The following KCTD19 variants were observed in gnomAD, a reference collection of about 807,000 sequenced individuals.
The protein encoded by KCTD19 is BTB/POZ domain-containing protein KCTD19.
In KCTD19, 67 loss-of-function variants were observed where a neutral mutation model predicts 103.5. That is an observed-to-expected ratio of 0.65 (90% confidence interval 0.53 to 0.79). The LOEUF is 0.79. Among genes scored for constraint, KCTD19 ranks in the 30% least tolerant of loss-of-function variants. KCTD19 has a pLI of 0.00. For missense variants in KCTD19, 980 were observed against 1,136.1 expected (o/e 0.86, Z 1.98); for synonymous variants, 439 against 452.2 (o/e 0.97, Z 0.37).
chr16:67,291,004 A>T lies in KCTD19; in HGVS notation c.2566-18T>A. On this transcript the variant is annotated intron_variant, in intron 14 of 15. Transcript: ENST00000304372. ...TGCAGGGTCTGCCAGGAGAGCCCACAGTCAGGCAGTGCTAGGGCAGCTCCT... is the reference window on the plus strand; with the variant it reads ...TGCAGGGTCTGCCAGGAGAGCCCACTGTCAGGCAGTGCTAGGGCAGCTCCT... The T allele has an allele frequency of 6.2e-7, 1 of 1,612,520 alleles. No individual in the cohort carries two copies. The highest frequency in any genetic ancestry group is 2.2e-5 in the East Asian group (1 of 44,866).
rs1472115226 is a variant in KCTD19 at position 67,295,314 on chromosome 16, T to C, written c.1340A>G (p.His447Arg). The C allele has an allele frequency of 1.2e-6, 2 of 1,614,106 alleles. No homozygotes were observed. Among genetic ancestry groups the C allele is most frequent in the East Asian group, 4.5e-5 (2 of 44,898 alleles). The change falls in exon 9 of 16, where the codon CAC becomes CGC. Residue 447 changes from histidine to arginine, a missense_variant. Coordinates refer to ENST00000304372, the MANE Select transcript of KCTD19 (RefSeq NM_001100915.3). Reference protein sequence around the residue: ...LIHGDGQMFRHILNFLRLGKL... With the variant: ...LIHGDGQMFRRILNFLRLGKL... ...GCCAAGTCTCAGGAAGTTGAGAATG[T>C]GTCGGAACATCTGGCCATCCCCGTG...
chr16:67,310,910 G>A (rs965564754), intron 2 of KCTD19, among the ~76,000 whole-genome samples: 1 of 152,218 alleles, frequency 6.6e-6, no homozygotes, highest in Non-Finnish European at 1.5e-5. Flanking sequence ...AAGGCTGGTA[G>A]AACAAAAGGA....
rs775358880 is a variant in KCTD19 at position 67,299,493 on chromosome 16, G to A, written c.856C>T (p.Leu286Phe). ...AGCAGACCCAGGGCCATTGTGTAGAGCGGTTTCACGGACTCCAGGCTGGCT... is the reference window on the plus strand; with the variant it reads ...AGCAGACCCAGGGCCATTGTGTAGAACGGTTTCACGGACTCCAGGCTGGCT... ...RTASLESVKP[L>F]YTMALGLLVK... Residue 286 changes from leucine to phenylalanine, a missense_variant, in exon 6 of 16, where the codon CTC (leucine) becomes TTC (phenylalanine). Leu to Phe is a conservative substitution (Grantham distance 22). Transcript: ENST00000304372. The A allele has an allele frequency of 1.7e-5, 28 of 1,613,342 alleles. No homozygotes were observed. The South Asian group carries it at 3.1e-4, about 18-fold the overall frequency.
intron 2 of KCTD19, among the ~76,000 whole-genome samples, chr16:67,318,532 C>A (rs1418999890): frequency 1.4e-5 from 2 of 147,000 alleles, no homozygotes; most frequent in Non-Finnish European, 3.0e-5. Flanking sequence ...TGCACTCCAG[C>A]CTGGGACAGA....
intron 1 of KCTD19, among the ~76,000 whole-genome samples, chr16:67,321,400 C>T (rs780304727): frequency 1.3e-5 from 2 of 152,080 alleles, no homozygotes; most frequent in Non-Finnish European, 2.9e-5. Context: ...AACTTCAAAA[C>T]ATTGTTGAAA....
chr16:67,303,007 G>T lies in KCTD19; in HGVS notation c.643+139C>A. 1.4e-6 allele frequency: 1 copy of T among 734,598 alleles called. No homozygotes were observed. 45.5% of individuals were successfully genotyped at this position (734,598 alleles called of 1,614,324 possible). Reference sequence around the variant, plus strand: ...ATCTGCTTGCTTCCTGGAAGGCTCTGTCATGCTTCCGCTACCTCTGCCCAG... The same window carrying T: ...ATCTGCTTGCTTCCTGGAAGGCTCTTTCATGCTTCCGCTACCTCTGCCCAG... On this transcript the variant is annotated intron_variant, in intron 4 of 15. Coordinates refer to ENST00000304372, the MANE Select transcript of KCTD19 (RefSeq NM_001100915.3). This position sits in a 1 kb window ranked among gnomAD's most constrained non-coding sequence, Gnocchi z 4.3.
rs550110792 is a variant in KCTD19, at chr16:67,293,022, C to T, written c.2218+522G>A. On this transcript the variant is annotated intron_variant, in intron 12 of 15. Transcript: ENST00000304372. This position sits in a 1 kb window ranked among gnomAD's most constrained non-coding sequence, Gnocchi z 4.0. ...CGAATACCTAGCTCCTGCTGCATTT[C>T]CTCTGCTCCTGGAGCAAACTTTCTG... is the stretch of plus-strand genomic sequence containing the variant. Among the ~76,000 whole-genome samples the T allele has an allele frequency of 3.3e-5, 5 of 152,296 alleles. No individual in the cohort carries two copies. The highest frequency in any genetic ancestry group is 1.2e-4 in the African/African-American group (5 of 41,556).
Position 67,313,283 on chromosome 16 carries a change from G to C in KCTD19, c.300+7306C>G, listed in dbSNP as rs577863283. 2.7e-3 allele frequency among the ~76,000 whole-genome samples: 414 copies of C among 151,978 alleles called. 1 individual carries two copies. Among genetic ancestry groups the C allele is most frequent in the African/African-American group, 9.4e-3 (391 of 41,464 alleles). Reference sequence around the variant, plus strand: ...TTGTCATCATGCCCGGCTAATTTTTGTATTTTAGTAGAGATGGGGTTTCAC... The same window carrying C: ...TTGTCATCATGCCCGGCTAATTTTTCTATTTTAGTAGAGATGGGGTTTCAC... On this transcript the variant is annotated intron_variant, in intron 2 of 15. Coordinates refer to ENST00000304372, the MANE Select transcript of KCTD19 (RefSeq NM_001100915.3).
intron 6 of KCTD19, among the ~76,000 whole-genome samples, chr16:67,298,778 G>C (rs2036798338): frequency 6.6e-6 from 1 of 152,220 alleles, no homozygotes; most frequent in African/African-American, 2.4e-5. Flanking sequence ...GTGACCCTCA[G>C]AGAGTTGCTC....
Position 67,293,941 on chromosome 16 carries a change from G to T in KCTD19, c.1821C>A (p.Ser607Arg). Residue 607 changes from serine (S) to arginine (R), a missense_variant, in exon 12 of 16, where the codon AGC becomes AGA. Transcript: ENST00000304372. This position sits in a 1 kb window ranked among gnomAD's most constrained non-coding sequence, Gnocchi z 4.0. ...NPGHWGSHPESPPKKKCTTIN... is the reference protein window; with the variant it reads ...NPGHWGSHPERPPKKKCTTIN... ...TTGTGGTGCATTTCTTCTTTGGGGGGCTCTCAGGGTGGCTCCCCCAGTGTC... is the reference window on the plus strand; with the variant it reads ...TTGTGGTGCATTTCTTCTTTGGGGGTCTCTCAGGGTGGCTCCCCCAGTGTC... 6.2e-7 allele frequency: 1 copy of T among 1,614,098 alleles called. No homozygotes were observed. The highest frequency in any genetic ancestry group is 8.5e-7 in the Non-Finnish European group (1 of 1,180,014).
intron 2 of KCTD19, 98 bp from the exon 3 acceptor site, chr16:67,304,669 T>G (rs2036873180): frequency 1.3e-6 from 1 of 764,648 alleles, no homozygotes; most frequent in Non-Finnish European, 1.9e-6. Flanking sequence ...GTGACTTACT[T>G]TTTTTTTTTT....
chr16:67,294,798 G>A, intron 10 of KCTD19, 104 bp from the exon 11 acceptor site: 1 of 969,250 alleles, frequency 1.0e-6, no homozygotes, highest in South Asian at 1.4e-5. Flanking sequence ...CTAGACAGCA[G>A]GGAAGAAGGG....
In KCTD19 at chr16:67,303,243, C is replaced by T. The variant is rs1403325186; in HGVS notation, c.546G>A (p.Val182=). The change falls in exon 4 of 16, where the codon GTG becomes GTA. Residue 182 remains valine, a synonymous_variant. Transcript: ENST00000304372. The surrounding 1 kb of genome is among the most constrained non-coding windows in gnomAD (Gnocchi z 4.3). ...VHYCFLPLDL[V]AKYPSLVTED... Reference sequence around the variant, plus strand: ...CAGTCACTAGGCTGGGATATTTGGCCACCAGGTCTAGGGGCAGGAAGCAGT... The same window carrying T: ...CAGTCACTAGGCTGGGATATTTGGCTACCAGGTCTAGGGGCAGGAAGCAGT... The T allele has an allele frequency of 6.2e-7, 1 of 1,614,102 alleles. No individual in the cohort carries two copies. The highest frequency in any genetic ancestry group is 1.7e-5 in the Admixed American group (1 of 60,014).
At position 67,303,836 on chromosome 16, in the gene KCTD19, C is replaced by T. The variant is rs1236784343; in HGVS notation, c.452-499G>A. Among the ~76,000 whole-genome samples, 2 of 152,200 alleles carry T rather than the reference C, an allele frequency of 1.3e-5. No individual in the cohort carries two copies. The highest frequency in any genetic ancestry group is 2.9e-5 in the Non-Finnish European group (2 of 68,032). On this transcript the variant is annotated intron_variant, in intron 3 of 15. Coordinates refer to ENST00000304372, the MANE Select transcript of KCTD19 (RefSeq NM_001100915.3). This position sits in a 1 kb window ranked among gnomAD's most constrained non-coding sequence, Gnocchi z 4.3. ...TGCTGGGATTACAGGCATGAGCCACCGTGCCCAGCTGGAAATCTATATTTT... is the reference window on the plus strand; with the variant it reads ...TGCTGGGATTACAGGCATGAGCCACTGTGCCCAGCTGGAAATCTATATTTT...
intron 1 of KCTD19, 37 bp downstream of exon 1, chr16:67,326,668 G>A: frequency 1.3e-6 from 2 of 1,576,930 alleles, no homozygotes; most frequent in African/African-American, 2.8e-5. Context: ...TCGCCGCTTT[G>A]GTGCTTTTGG....
rs1396852504 is a variant in KCTD19, at chr16:67,303,251, C to G, written c.538G>C (p.Asp180His). 1.9e-6 allele frequency: 3 copies of G among 1,614,022 alleles called. No individual in the cohort carries two copies. The highest frequency in any genetic ancestry group is 2.5e-6 in the Non-Finnish European group (3 of 1,180,018). ...AGGCTGGGATATTTGGCCACCAGGT[C>G]TAGGGGCAGGAAGCAGTAGTGCACC... Reference protein sequence around the residue: ...EEVHYCFLPLDLVAKYPSLVT... With the variant: ...EEVHYCFLPLHLVAKYPSLVT... The change falls in exon 4 of 16, where the codon GAC becomes CAC. Residue 180 changes from aspartate (D) to histidine (H), a missense_variant. Coordinates refer to ENST00000304372, the MANE Select transcript of KCTD19 (RefSeq NM_001100915.3). The surrounding 1 kb of genome is among the most constrained non-coding windows in gnomAD (Gnocchi z 4.3).
chr16:67,305,671 G>A (rs1009828346), intron 2 of KCTD19: 7 of 448,458 alleles, frequency 1.6e-5, no homozygotes, highest in Admixed American at 2.4e-5. Flanking sequence ...CTGTCTTTAC[G>A]CTAGAAGAAG....
intron 2 of KCTD19, among the ~76,000 whole-genome samples, chr16:67,314,830 T>TATATATAGAGAG (rs1430877802): frequency 8.9e-5 from 3 of 33,650 alleles, no homozygotes; most frequent in African/African-American, 4.3e-4. Context: ...TATATATATA[T>TATATATAGAGAG]AGAGAGAGAG....
Position 67,320,629 on chromosome 16 carries a change from T to C in KCTD19, c.260A>G (p.Tyr87Cys), listed in dbSNP as rs2142524815. 1 of 1,614,232 alleles carries C rather than the reference T, an allele frequency of 6.2e-7. No individual in the cohort carries two copies. The highest frequency in any genetic ancestry group is 1.1e-5 in the South Asian group (1 of 91,090). ...CAGCTGCAAACCCAATGCTTGCTCA[T>C]ACAGCAAGTTCAGTTCTGCACAACT... Reference protein sequence around the residue: ...FSSCAELNLLYEQALGLQLMP... With the variant: ...FSSCAELNLLCEQALGLQLMP... The change falls in exon 2 of 16, where the codon TAT becomes TGT. Residue 87 changes from tyrosine to cysteine, a missense_variant. Tyr to Cys is a radical substitution (Grantham distance 194, BLOSUM62 -2). Coordinates refer to ENST00000304372, the MANE Select transcript of KCTD19 (RefSeq NM_001100915.3). This position sits in a 1 kb window ranked among gnomAD's most constrained non-coding sequence, Gnocchi z 4.0.
Sources: allele counts gnomAD v4.1 joint callset (sites outside exome capture counted in the v4.1 genomes callset), GRCh38; gene constraint gnomAD v4.1.1; non-coding constraint Gnocchi (gnomAD v3.1); transcripts MANE v1.5; gene names NCBI Gene and HGNC (gene_info 2026-07-23, HGNC 2026-07-21).